The following PTPRS variants were observed in gnomAD, a reference collection of about 807,000 sequenced individuals.
PTPRS encodes the protein protein tyrosine phosphatase receptor type S.
In PTPRS, 63 loss-of-function variants were observed where a neutral mutation model predicts 215.3. The observed-to-expected ratio is 0.29, with a 90% CI of 0.24 to 0.36. PTPRS has a LOEUF of 0.36. Ranked by LOEUF, PTPRS falls within the 10% of genes least tolerant of loss-of-function variation. The pLI, the probability that PTPRS is intolerant of heterozygous loss-of-function variation, is 1.00. For synonymous variants in PTPRS, 1,404 were observed against 1,191.4 expected (o/e 1.18, Z -3.68); for missense variants, 2,258 against 2,825.8 (o/e 0.80, Z 4.56).
In PTPRS at chr19:5,257,960, G is replaced by A. The variant is rs2045700209; in HGVS notation, c.706+57C>T. 6.8e-7 allele frequency: 1 copy of A among 1,461,222 alleles called. No homozygotes were observed. Among genetic ancestry groups the A allele is most frequent in the South Asian group, 1.2e-5 (1 of 84,000 alleles). 90.5% of individuals were successfully genotyped at this position (1,461,222 alleles called of 1,614,324 possible). ...GCCCGGAGGCGGTGAGCCCGAGGAG[G>A]GAGGGGGATGGGACGGGGCGGGTCC... On this transcript the variant is annotated intron_variant, in intron 8 of 37. Transcript: ENST00000262963. This position sits in a 1 kb window ranked among gnomAD's most constrained non-coding sequence, Gnocchi z 4.4.
rs541245567 is a variant in PTPRS, at chr19:5,296,288, G to A, written c.-94-10054C>T. 6.6e-5 allele frequency among the ~76,000 whole-genome samples: 10 copies of A among 152,298 alleles called. No homozygotes were observed. In the South Asian group the frequency reaches 2.1e-3, roughly 32 times the overall value. On this transcript the variant is annotated intron_variant, in intron 1 of 37. Coordinates refer to ENST00000262963, the MANE Select transcript of PTPRS (RefSeq NM_002850.4). The stretch of plus-strand genomic sequence containing the variant: ...AGGATGAGGAGGGAGGATCGCCTGA[G>A]GCCAGGAGTTTGAGACCAGCCTGGG...
At position 5,258,231 on chromosome 19, in the gene PTPRS, C is replaced by G. The variant is rs536111614; in HGVS notation, c.596-104G>C. The G allele has an allele frequency of 1.8e-5, 18 of 990,732 alleles. No individual in the cohort carries two copies. In the African/African-American group the frequency reaches 2.6e-4, roughly 14 times the overall value. 61.4% of individuals were successfully genotyped at this position (990,732 alleles called of 1,614,324 possible). A position where few individuals can be genotyped will look rare whatever the true frequency, so the allele number is the denominator to read the frequency against. On this transcript the variant is annotated intron_variant, in intron 7 of 37. Coordinates refer to ENST00000262963, the MANE Select transcript of PTPRS (RefSeq NM_002850.4). The stretch of plus-strand genomic sequence containing the variant: ...CTCTCTGGCCTGTCTCCTGTGCTGG[C>G]TGGGCCAGAGAGGCAGATAAGAGGT...
chr19:5,283,566 G>A (rs2048060746), intron 2 of PTPRS, among the ~76,000 whole-genome samples: 1 of 151,542 alleles, frequency 6.6e-6, no homozygotes, highest in Admixed American at 6.6e-5. Context: ...GACAGAAGGA[G>A]ACTCCGTCTC....
intron 4 of PTPRS, among the ~76,000 whole-genome samples, chr19:5,268,094 C>A (rs190640804): frequency 6.6e-6 from 1 of 152,044 alleles, no homozygotes; most frequent in African/African-American, 2.4e-5. Context: ...GGCGTGAAGC[C>A]GGGAGGCGGA....
intron 4 of PTPRS, among the ~76,000 whole-genome samples, chr19:5,265,448 C>G (rs2046331648): frequency 6.6e-6 from 1 of 152,148 alleles, no homozygotes; most frequent in African/African-American, 2.4e-5. Context: ...CTCAAGTGAT[C>G]CTCCTGCCTC....
intron 35 of PTPRS, 86 bp from the exon 36 acceptor site, chr19:5,208,477 TTTTGTTTG>T (rs375465291): frequency 1.5e-5 from 19 of 1,298,292 alleles, no homozygotes; most frequent in Non-Finnish European, 1.8e-5. Flanking sequence ...CACCCCCATT[TTTTGTTTG>T]TTTGTTTGTT....
At chr19:5,213,545 G>C (rs1262784176) in intron 30 of PTPRS, among the ~76,000 whole-genome samples, 2 of 152,136 alleles carry the variant, frequency 1.3e-5, no homozygotes, top group Non-Finnish European at 2.9e-5. Flanking sequence ...TCTGTGTCTT[G>C]TCTACTAGAC....
rs10412995 is a variant in PTPRS at position 5,334,179 on chromosome 19, G to A, written c.-95+6485C>T. Among the ~76,000 whole-genome samples, 260 of 152,328 alleles carry A rather than the reference G, an allele frequency of 1.7e-3. 1 individual carries two copies. The highest frequency in any genetic ancestry group is 5.9e-3 in the African/African-American group (245 of 41,580). ...GATTAAGCAGCCAGTGAAGGGGAAC[G>A]CCCCAGTTTGCAGTGGCTGAGTCAT... On this transcript the variant is annotated intron_variant, in intron 1 of 37. Coordinates refer to ENST00000262963, the MANE Select transcript of PTPRS (RefSeq NM_002850.4).
intron 1 of PTPRS, among the ~76,000 whole-genome samples, chr19:5,297,392 C>T (rs1600062653): frequency 6.6e-6 from 1 of 151,236 alleles, no homozygotes; most frequent in African/African-American, 2.5e-5. Context: ...CGGCCGTTCT[C>T]ATTCATTCTT....
intron 8 of PTPRS, 121 bp from the exon 9 acceptor site, chr19:5,256,240 GTTT>G (rs59925916): frequency 2.0e-5 from 11 of 548,302 alleles, no homozygotes; most frequent in East Asian, 8.4e-5. Flanking sequence ...ATAGTTTGTT[GTTT>G]TTTTTTTCTT....
chr19:5,293,517 AC>A lies in PTPRS; in HGVS notation c.-94-7284del. 6.6e-6 allele frequency among the ~76,000 whole-genome samples: 1 copy of A among 152,152 alleles called. No individual in the cohort carries two copies. Among genetic ancestry groups the A allele is most frequent in the East Asian group, 2.0e-4 (1 of 5,120 alleles). Reference sequence around the variant, plus strand: ...GACCCAAGACCCCTCCCTCCCGAAGACGTCTCACGGGGAGCCTCTACACTGC... The same window carrying A: ...GACCCAAGACCCCTCCCTCCCGAAGAGTCTCACGGGGAGCCTCTACACTGC... On this transcript the variant is annotated intron_variant, in intron 1 of 37. Coordinates refer to ENST00000262963, the MANE Select transcript of PTPRS (RefSeq NM_002850.4). This position sits in a 1 kb window ranked among gnomAD's most constrained non-coding sequence, Gnocchi z 8.4.
intron 1 of PTPRS, among the ~76,000 whole-genome samples, chr19:5,290,073 G>A (rs577725265): frequency 9.2e-5 from 14 of 152,358 alleles, no homozygotes; most frequent in African/African-American, 1.7e-4. Flanking sequence ...GGTGGCCAGC[G>A]AGGCTGAGCC....
intron 1 of PTPRS, among the ~76,000 whole-genome samples, chr19:5,319,927 C>T (rs975514105): frequency 2.0e-5 from 3 of 152,228 alleles, no homozygotes; most frequent in South Asian, 2.1e-4. Flanking sequence ...TCACCCCTGA[C>T]GTGCTATATA....
intron 1 of PTPRS, among the ~76,000 whole-genome samples, chr19:5,320,477 T>C (rs150461048): frequency 6.6e-6 from 1 of 152,318 alleles, no homozygotes; most frequent in African/African-American, 2.4e-5. Context: ...TCCCCCAGGC[T>C]GGAGTGCAGT....
intron 2 of PTPRS, chr19:5,278,182 CCAA>C: frequency 3.8e-5 from 2 of 52,544 alleles, no homozygotes; most frequent in South Asian, 4.9e-4. Context: ...GTAGAAACTG[CCAA>C]AAAAAAAAAA....
intron 2 of PTPRS, among the ~76,000 whole-genome samples, chr19:5,282,360 G>C (rs1380082187): frequency 6.6e-6 from 1 of 152,130 alleles, no homozygotes; most frequent in Non-Finnish European, 1.5e-5. Flanking sequence ...TTTGGACGAA[G>C]CTTCCCCACC....
Position 5,219,982 on chromosome 19 carries a change from C to A in PTPRS, c.3722G>T (p.Arg1241Leu). The change falls in exon 22 of 38, where the codon CGC (arginine) becomes CTC (leucine). Residue 1241 changes from arginine (R) to leucine (L), a missense_variant. Physicochemically the swap from Arg to Leu is moderately radical, Grantham distance 102 (BLOSUM62 -2). This residue lies in a region of PTPRS where 927 missense variants were observed against 1,125.9 expected (regional missense o/e 0.82). Transcript: ENST00000262963. ...FDNRGLEPGH[R>L]YVLFVLAVLQ... is the part of the protein sequence containing the mutation. ...CACGGCAAGCACGAAGAGGACATAG[C>A]GGTGGCCGGGCTCCAGGCCCCGGTT... 6.2e-7 allele frequency: 1 copy of A among 1,613,864 alleles called. No individual in the cohort carries two copies. Among genetic ancestry groups the A allele is most frequent in the Non-Finnish European group, 8.5e-7 (1 of 1,180,010 alleles).
chr19:5,263,244 G>A (rs1005489267), intron 5 of PTPRS, among the ~76,000 whole-genome samples: 1 of 152,138 alleles, frequency 6.6e-6, no homozygotes, highest in Non-Finnish European at 1.5e-5. Context: ...CCCCCTGCTT[G>A]CAGAGGCCTA....
chr19:5,239,025 C>T lies in PTPRS; in HGVS notation c.1743G>A (p.Val581=), dbSNP rs1318407718. 3.1e-6 allele frequency: 5 copies of T among 1,613,476 alleles called. No homozygotes were observed. The highest frequency in any genetic ancestry group is 1.3e-5 in the African/African-American group (1 of 74,882). The part of the protein sequence containing the change: ...RTFDPTTSYV[V]EDLKPNTEYA... Reference sequence around the variant, plus strand: ...ACTCCGTGTTGGGCTTCAGGTCCTCCACCACGTAGGAAGTCGTCGGGTCGA... The same window carrying T: ...ACTCCGTGTTGGGCTTCAGGTCCTCTACCACGTAGGAAGTCGTCGGGTCGA... The change falls in exon 13 of 38, where the codon GTG becomes GTA. Residue 581 remains valine (V), a synonymous_variant. Coordinates refer to ENST00000262963, the MANE Select transcript of PTPRS (RefSeq NM_002850.4).
Sources: allele counts gnomAD v4.1 joint callset (sites outside exome capture counted in the v4.1 genomes callset), GRCh38; gene constraint gnomAD v4.1.1; regional missense constraint gnomAD v4.1.1; non-coding constraint Gnocchi (gnomAD v3.1); transcripts MANE v1.5; gene names NCBI Gene and HGNC (gene_info 2026-07-23, HGNC 2026-07-21).